Variants in MARCO observed in about 807,000 individuals in gnomAD.
The protein encoded by MARCO is macrophage receptor with collagenous structure.
MARCO carries 72 observed loss-of-function variants against 70.0 expected under a neutral mutation model. That is an observed-to-expected ratio of 1.03 (90% CI 0.85 to 1.25). The LOEUF (loss-of-function observed/expected upper bound fraction) is 1.25. MARCO is among the 50% of genes most tolerant of loss of function. The pLI is 0.00. For missense variants in MARCO, 696 were observed against 659.3 expected, an observed-to-expected ratio of 1.06 and a Z score of -0.61; for synonymous variants, 273 against 243.1, an observed-to-expected ratio of 1.12 and a Z score of -1.14.
At chr2:118,981,886 G>T (rs2104596882) in intron 10 of MARCO, among the ~76,000 whole-genome samples, 1 of 152,316 alleles carries the variant, frequency 6.6e-6, no homozygotes, top group Non-Finnish European at 1.5e-5. Flanking sequence ...CACCCAGGGG[G>T]TGGAGTTGGA....
chr2:118,946,752 T>C (rs1386070857), intron 1 of MARCO, among the ~76,000 whole-genome samples: 3 of 152,246 alleles, frequency 2.0e-5, no homozygotes, highest in Non-Finnish European at 2.9e-5. Flanking sequence ...TATTTTCCAG[T>C]GTGACTATAC....
Position 118,971,497 on chromosome 2 carries a change from AG to A in MARCO, c.426del, listed in dbSNP as rs750601606. 6.9e-5 allele frequency: 112 copies of A among 1,613,914 alleles called. No homozygotes were observed. Among genetic ancestry groups the A allele is most frequent in the Non-Finnish European group, 8.2e-5 (97 of 1,179,930 alleles). On this transcript the variant is annotated splice_acceptor_variant, in intron 3 of 16. Transcript: ENST00000327097. LOFTEE classifies it high-confidence loss of function. ...CTGCAGCTCACTCTCCTTCCCTTGC[AG>A]GGATGTTCAGAATCAAAGGTGAACA...
rs1680234547 is a variant in MARCO at position 118,974,386 on chromosome 2, G to C, written c.514G>C (p.Gly172Arg). 1 of 1,611,844 alleles carries C rather than the reference G, an allele frequency of 6.2e-7. No homozygotes were observed. Among genetic ancestry groups the C allele is most frequent in the African/African-American group, 1.3e-5 (1 of 74,914 alleles). The change falls in exon 5 of 17, where the codon GGA becomes CGA. Residue 172 changes from glycine (G) to arginine (R), a missense_variant. Physicochemically the swap from Gly to Arg is moderately radical, Grantham distance 125. Transcript: ENST00000327097. Reference sequence around the variant, plus strand: ...CATGCCTGGTGCCCCTGGCCCGCCGGGACCACCTGCTGAGAAGGGAGCCAA... The same window carrying C: ...CATGCCTGGTGCCCCTGGCCCGCCGCGACCACCTGCTGAGAAGGGAGCCAA... The part of the protein sequence containing the change: ...MGMPGAPGPP[G>R]PPAEKGAKGA...
chr2:118,982,235 T>G lies in MARCO; in HGVS notation c.981T>G (p.Ala327=), dbSNP rs760311510. ...HPGAKGEPGS[A]GSPGRAGLPG... is the part of the protein sequence containing the mutation. ...GTGCCAAGGGTGAGCCTGGCAGTGC[T>G]GGCTCCCCTGGGCGAGCAGGTGAGG... Residue 327 remains alanine (A), a synonymous_variant, in exon 11 of 17, where the codon GCT becomes GCG. Transcript: ENST00000327097. 3.1e-6 allele frequency: 5 copies of G among 1,612,932 alleles called. No homozygotes were observed. The East Asian group carries it at 1.1e-4, about 36-fold the overall frequency.
intron 12 of MARCO, among the ~76,000 whole-genome samples, chr2:118,983,271 G>A (rs1367024977): frequency 2.6e-5 from 4 of 152,196 alleles, no homozygotes; most frequent in African/African-American, 9.7e-5. Flanking sequence ...TGCCTGAGAA[G>A]GTCACGCTTG....
chr2:118,969,180 A>C lies in MARCO; in HGVS notation c.118A>C (p.Asn40His). The C allele has an allele frequency of 6.2e-7, 1 of 1,614,080 alleles. No homozygotes were observed. The highest frequency in any genetic ancestry group is 8.5e-7 in the Non-Finnish European group (1 of 1,179,910). ...TTCAGTTCCAAAGCCCAAGAGGAGA[A>C]ATGGGGTGAACTTCTCCCTAGCTGT... Reference protein sequence around the residue: ...EINVPKPKRRNGVNFSLAVVV... With the variant: ...EINVPKPKRRHGVNFSLAVVV... Residue 40 changes from asparagine (N) to histidine (H), a missense_variant, in exon 2 of 17, where the codon AAT (asparagine) becomes CAT (histidine). Transcript: ENST00000327097.
At chr2:118,962,711 C>T (rs768464162) in intron 1 of MARCO, among the ~76,000 whole-genome samples, 21 of 151,928 alleles carry the variant, frequency 1.4e-4, no homozygotes, top group Non-Finnish European at 2.4e-4. Context: ...ATGTTTATTA[C>T]GATATGCTGG....
At chr2:118,968,881 C>T (rs993249834) in intron 1 of MARCO, among the ~76,000 whole-genome samples, 12 of 152,184 alleles carry the variant, frequency 7.9e-5, no homozygotes, top group Non-Finnish European at 1.8e-4. Context: ...TGGGGCTTCA[C>T]CAGTGAACAA....
At chr2:118,969,054 C>A in intron 1 of MARCO, 106 bp from the exon 2 acceptor site, 2 of 770,078 alleles carry the variant, frequency 2.6e-6, no homozygotes, top group Non-Finnish European at 4.6e-6. Flanking sequence ...TCCCAGCTGA[C>A]CTCACAGGGT....
chr2:118,990,743 A>C (rs1451809418), intron 13 of MARCO, 110 bp downstream of exon 13: 1 of 1,088,790 alleles, frequency 9.2e-7, no homozygotes, highest in African/African-American at 1.5e-5. Flanking sequence ...CTTCTCCCAA[A>C]GTGGAGGTTA....
chr2:118,943,524 G>A (rs1022969268), intron 1 of MARCO, among the ~76,000 whole-genome samples: 2 of 152,192 alleles, frequency 1.3e-5, no homozygotes, highest in Admixed American at 6.5e-5. Context: ...GAGGGGACAG[G>A]GGACAGGGTA....
intron 1 of MARCO, among the ~76,000 whole-genome samples, chr2:118,968,446 A>G (rs1680097290): frequency 6.6e-6 from 1 of 152,168 alleles, no homozygotes; most frequent in South Asian, 2.1e-4. Context: ...CTATGATATC[A>G]TTTGTAAGAT....
intron 12 of MARCO, among the ~76,000 whole-genome samples, chr2:118,988,185 G>T (rs1680551443): frequency 1.3e-5 from 2 of 152,148 alleles, no homozygotes; most frequent in Admixed American, 1.3e-4. Flanking sequence ...AAAATGCTGA[G>T]TCCCCTGGAG....
chr2:118,990,569 C>CGGGGTGGG lies in MARCO; in HGVS notation c.1064-20_1064-19insGGGGTGGG. 3 of 1,415,964 alleles carry CGGGGTGGG rather than the reference C, an allele frequency of 2.1e-6. No individual in the cohort carries two copies. Among genetic ancestry groups the CGGGGTGGG allele is most frequent in the Non-Finnish European group, 2.9e-6 (3 of 1,028,320 alleles). 87.7% of individuals were successfully genotyped at this position (1,415,964 alleles called of 1,614,324 possible). A position where few individuals can be genotyped will look rare whatever the true frequency, so the allele number is the denominator to read the frequency against. On this transcript the variant is annotated intron_variant, in intron 12 of 16. Coordinates refer to ENST00000327097, the MANE Select transcript of MARCO (RefSeq NM_006770.4). ...AGTTTTATTATCTCCTCCCCCCCCCCTTTTTTGTTTTGATCTTAGGACTTC... is the reference window on the plus strand; with the variant it reads ...AGTTTTATTATCTCCTCCCCCCCCCCGGGGTGGGTTTTTTGTTTTGATCTTAGGACTTC...
chr2:118,955,682 A>G (rs944232211), intron 1 of MARCO, among the ~76,000 whole-genome samples: 1 of 152,224 alleles, frequency 6.6e-6, no homozygotes, highest in African/African-American at 2.4e-5. Flanking sequence ...TGAAGGAAAG[A>G]GTCTTAAGAG....
chr2:118,987,952 A>C (rs1421323500), intron 12 of MARCO, among the ~76,000 whole-genome samples: 2 of 152,204 alleles, frequency 1.3e-5, no homozygotes, highest in Non-Finnish European at 2.9e-5. Flanking sequence ...TAGTGGAACA[A>C]AGGTGCCTTC....
At chr2:118,966,273 T>C (rs1680045787) in intron 1 of MARCO, among the ~76,000 whole-genome samples, 1 of 152,218 alleles carries the variant, frequency 6.6e-6, no homozygotes, top group Admixed American at 6.5e-5. Context: ...TTGCCTAAAA[T>C]CTTTGCCCAT....
rs566361557 is a variant in MARCO, at chr2:118,955,204, A to G, written c.97+12807A>G. On this transcript the variant is annotated intron_variant, in intron 1 of 16. Transcript: ENST00000327097. Reference sequence around the variant, plus strand: ...CCAATGCAAGGAAATCTAAAAAATTATATGAGAAGTGAAGGGAGAAATACT... The same window carrying G: ...CCAATGCAAGGAAATCTAAAAAATTGTATGAGAAGTGAAGGGAGAAATACT... Among the ~76,000 whole-genome samples the G allele has an allele frequency of 8.5e-5, 13 of 152,282 alleles. No individual in the cohort carries two copies. In the South Asian group the frequency reaches 2.7e-3, roughly 32 times the overall value.
At chr2:118,975,364 A>G (rs2104586510) in intron 6 of MARCO, among the ~76,000 whole-genome samples, 1 of 152,316 alleles carries the variant, frequency 6.6e-6, no homozygotes, top group Non-Finnish European at 1.5e-5. Flanking sequence ...AGGATTTACA[A>G]GGGAGTGGGG....
Sources: gnomAD v4.1 joint callset for allele counts (sites outside exome capture counted in the v4.1 genomes callset) on GRCh38, gnomAD v4.1.1 for gene constraint, MANE v1.5 for transcripts, NCBI Gene and HGNC (gene_info 2026-07-23, HGNC 2026-07-21) for gene names.